The following KCNJ1 variants were observed in gnomAD, a reference collection of about 807,000 sequenced individuals.
KCNJ1 encodes the protein ATP-sensitive inward rectifier potassium channel 1.
KCNJ1 carries 24 observed loss-of-function variants against 21.9 expected under a neutral mutation model. The ratio of observed to expected loss-of-function variants is 1.10; its 90% CI spans 0.79 to 1.54. KCNJ1 has a LOEUF of 1.54. Among genes scored for constraint, KCNJ1 ranks in the 40% most tolerant of loss-of-function variants. The pLI is 0.00. For missense variants in KCNJ1, 457 were observed against 455.4 expected (o/e 1.00, Z -0.03); for synonymous variants, 152 against 160.9 (o/e 0.94, Z 0.42).
At chr11:128,851,356 G>C (rs76210977) in intron 1 of KCNJ1, among the ~76,000 whole-genome samples, 4,975 of 152,268 alleles carry the variant, frequency 0.033, 262 homozygotes, top group African/African-American at 0.11. Context: ...ATATTTATAG[G>C]AATCCTATAG....
chr11:128,846,237 G>T (rs189038633), intron 2 of KCNJ1, among the ~76,000 whole-genome samples: 1 of 152,298 alleles, frequency 6.6e-6, no homozygotes, highest in East Asian at 1.9e-4. Context: ...GACCTTTGCT[G>T]ATACAGGTGA....
chr11:128,839,805 G>A lies in KCNJ1; in HGVS notation c.439C>T (p.Leu147Phe), dbSNP rs192755403. 6.2e-7 allele frequency: 1 copy of A among 1,614,138 alleles called. No homozygotes were observed. Among genetic ancestry groups the A allele is most frequent in the African/African-American group, 1.3e-5 (1 of 75,040 alleles). The change falls in exon 3 of 3, where the codon CTT becomes TTT. Residue 147 changes from leucine to phenylalanine, a missense_variant. Transcript: ENST00000392666. ...ATGAAAGAATTGATTATAACTCCAA[G>A]TATAGACTGAAAGATAAGCAGAAAA... is the stretch of plus-strand genomic sequence containing the variant. The part of the protein sequence containing the change: ...AIFLLIFQSI[L>F]GVIINSFMCG...
In KCNJ1 at chr11:128,838,114, G is replaced by A. The variant is rs675388; in HGVS notation, c.*1011C>T. On this transcript the variant is annotated 3_prime_UTR_variant, in exon 3 of 3. Coordinates refer to ENST00000392666, the MANE Select transcript of KCNJ1 (RefSeq NM_153766.3). ...ACCAGTTTTTTTCCAGGACACATTCGGAATGATGCAGGTGGGGATCTGAAG... is the reference window on the plus strand; with the variant it reads ...ACCAGTTTTTTTCCAGGACACATTCAGAATGATGCAGGTGGGGATCTGAAG... 0.15 allele frequency: 23,597 copies of A among 152,576 alleles called. 1,906 individuals carry two copies. The highest frequency in any genetic ancestry group is 0.3 in the South Asian group (1,462 of 4,830). 9.5% of individuals were successfully genotyped at this position (152,576 alleles called of 1,614,324 possible). A position where few individuals can be genotyped will look rare whatever the true frequency, so the allele number is the denominator to read the frequency against.
chr11:128,856,665 C>A (rs1213635942), intron 1 of KCNJ1, among the ~76,000 whole-genome samples: 2 of 152,212 alleles, frequency 1.3e-5, no homozygotes, highest in African/African-American at 2.4e-5. Context: ...TCATCCTCAG[C>A]CCTGTCAATG....
Position 128,839,185 on chromosome 11 carries a change from G to C in KCNJ1, c.1059C>G (p.Gly353=). The part of the protein sequence containing the change: ...EKDVRARMKR[G]YDNPNFILSE... Reference sequence around the variant, plus strand: ...ACAAGATGAAGTTGGGGTTGTCATAGCCTCTCTTCATCCTGGCTCTAACAT... The same window carrying C: ...ACAAGATGAAGTTGGGGTTGTCATACCCTCTCTTCATCCTGGCTCTAACAT... Residue 353 remains glycine (G), a synonymous_variant, in exon 3 of 3, where the codon GGC becomes GGG. Transcript: ENST00000392666. The C allele has an allele frequency of 6.2e-7, 1 of 1,614,134 alleles. No individual in the cohort carries two copies.
At chr11:128,864,240 C>T (rs1045790902) in intron 1 of KCNJ1, among the ~76,000 whole-genome samples, 3 of 151,842 alleles carry the variant, frequency 2.0e-5, no homozygotes, top group Non-Finnish European at 4.4e-5. Context: ...GTGTGTGCCA[C>T]CATGCCTGGC....
At position 128,854,462 on chromosome 11, in the gene KCNJ1, C is replaced by T. The variant is rs1234677; in HGVS notation, c.-191-3572G>A. ...CCATTCAAAACCCCGCCTTGCCCCA[C>T]ATTTCCCCCGTGCCACTACTTACCT... is the stretch of plus-strand genomic sequence containing the variant. On this transcript the variant is annotated intron_variant, in intron 1 of 2. Coordinates refer to ENST00000392666, the MANE Select transcript of KCNJ1 (RefSeq NM_153766.3). Among the ~76,000 whole-genome samples the T allele has an allele frequency of 2.0e-5, 3 of 152,120 alleles. 1 individual carries two copies. Among genetic ancestry groups the T allele is most frequent in the Non-Finnish European group, 2.9e-5 (2 of 68,046 alleles).
At chr11:128,842,202 C>T (rs1305045590) in intron 2 of KCNJ1, among the ~76,000 whole-genome samples, 1 of 152,192 alleles carries the variant, frequency 6.6e-6, no homozygotes, top group Non-Finnish European at 1.5e-5. Context: ...TTCCCAGCAC[C>T]CTGCTCCTCT....
intron 2 of KCNJ1, among the ~76,000 whole-genome samples, chr11:128,844,471 G>T (rs1943344543): frequency 6.6e-6 from 1 of 152,192 alleles, no homozygotes; most frequent in Non-Finnish European, 1.5e-5. Flanking sequence ...TAAGTCTGAA[G>T]TCTCCTCCAT....
Position 128,840,185 on chromosome 11 carries a change from CTTTG to C in KCNJ1, c.55_58del (p.Gln19GlufsTer4). The C allele has an allele frequency of 6.2e-7, 1 of 1,614,198 alleles. No individual in the cohort carries two copies. Among genetic ancestry groups the C allele is most frequent in the Non-Finnish European group, 8.5e-7 (1 of 1,180,042 alleles). ...TCCATCTTTGGAGACTAGCCTTGCT[CTTTG>C]CCGAGAATGCCCAAAAAAGCGAGTG... On this transcript the variant is annotated frameshift_variant, in exon 3 of 3. Coordinates refer to ENST00000392666, the MANE Select transcript of KCNJ1 (RefSeq NM_153766.3). LOFTEE classifies it high-confidence loss of function.
chr11:128,860,906 G>A (rs193033304), intron 1 of KCNJ1, among the ~76,000 whole-genome samples: 113 of 152,250 alleles, frequency 7.4e-4, no homozygotes, highest in African/African-American at 2.6e-3. Flanking sequence ...CATGTCGCCG[G>A]GGCCTGCCTG....
At chr11:128,842,629 T>C (rs1469578078) in intron 2 of KCNJ1, 9 of 1,046,652 alleles carry the variant, frequency 8.6e-6, no homozygotes, top group African/African-American at 1.6e-5. Flanking sequence ...AATAGGTATT[T>C]TTTCTTTCCA....
At chr11:128,842,402 G>T in intron 2 of KCNJ1, 1 of 1,613,742 alleles carries the variant, frequency 6.2e-7, no homozygotes, top group Non-Finnish European at 8.5e-7. Context: ...AACACATTCC[G>T]ACTGGAAGCA....
In KCNJ1 at chr11:128,839,045, T is replaced by G; in HGVS notation, c.*80A>C. ...GGCTCTCATCCTACTTTCGTACCCCTAAATTGTTGACTGCTTCATAATGCT... is the reference window on the plus strand; with the variant it reads ...GGCTCTCATCCTACTTTCGTACCCCGAAATTGTTGACTGCTTCATAATGCT... On this transcript the variant is annotated 3_prime_UTR_variant, in exon 3 of 3. Coordinates refer to ENST00000392666, the MANE Select transcript of KCNJ1 (RefSeq NM_153766.3). 7.5e-7 allele frequency: 1 copy of G among 1,341,700 alleles called. No homozygotes were observed. The allele number at this position is 1,341,700 out of a possible 1,614,324, so 83.1% of individuals were successfully genotyped here.
rs565367815 is a variant in KCNJ1, at chr11:128,851,973, C to T, written c.-191-1083G>A. ...GATGCCTTCTAGGCCCACACCTTAGCGTGTTTGAAGTTTCTCTGTCCCAGT... is the reference window on the plus strand; with the variant it reads ...GATGCCTTCTAGGCCCACACCTTAGTGTGTTTGAAGTTTCTCTGTCCCAGT... On this transcript the variant is annotated intron_variant, in intron 1 of 2. Coordinates refer to ENST00000392666, the MANE Select transcript of KCNJ1 (RefSeq NM_153766.3). Among the ~76,000 whole-genome samples, 9 of 152,240 alleles carry T rather than the reference C, an allele frequency of 5.9e-5. No individual in the cohort carries two copies. In the South Asian group the frequency reaches 1.2e-3, roughly 21 times the overall value.
At chr11:128,861,477 T>C (rs1468548588) in intron 1 of KCNJ1, among the ~76,000 whole-genome samples, 4 of 152,126 alleles carry the variant, frequency 2.6e-5, no homozygotes, top group Non-Finnish European at 5.9e-5. Context: ...GAAAGGAAGC[T>C]GCAAGGGAGC....
intron 1 of KCNJ1, among the ~76,000 whole-genome samples, chr11:128,858,230 G>A (rs1324431674): frequency 1.3e-5 from 2 of 151,864 alleles, no homozygotes; most frequent in Non-Finnish European, 2.9e-5. Context: ...TGGCAAGTAA[G>A]AGCAGCTAAG....
chr11:128,840,923 C>T (rs1408192402), intron 2 of KCNJ1, among the ~76,000 whole-genome samples: 2 of 152,204 alleles, frequency 1.3e-5, no homozygotes, highest in Admixed American at 1.3e-4. Flanking sequence ...GAATATAGGG[C>T]TCCCTGCCTC....
At chr11:128,855,587 G>A (rs150052771) in intron 1 of KCNJ1, among the ~76,000 whole-genome samples, 31 of 152,278 alleles carry the variant, frequency 2.0e-4, no homozygotes, top group Non-Finnish European at 2.9e-4. Flanking sequence ...GCTATAAGGC[G>A]GTGTAGAGCT....
Sources: allele counts gnomAD v4.1 joint callset (sites outside exome capture counted in the v4.1 genomes callset), GRCh38; gene constraint gnomAD v4.1.1; transcripts MANE v1.5; gene names NCBI Gene and HGNC (gene_info 2026-07-23, HGNC 2026-07-21).